The following NT5E variants were observed in gnomAD, a reference collection of about 807,000 sequenced individuals.
NT5E encodes 5'-nucleotidase ecto.
NT5E carries 53 observed loss-of-function variants against 55.1 expected under a neutral mutation model. The observed-to-expected ratio is 0.96, with a 90% CI of 0.77 to 1.21. NT5E has a LOEUF of 1.21. Ranked by LOEUF, NT5E falls within the 50% of genes most tolerant of loss-of-function variation. The pLI is 0.00. For synonymous variants in NT5E, 270 were observed against 278.4 expected (o/e 0.97, Z 0.30); for missense variants, 683 against 724.3 (o/e 0.94, Z 0.65).
In NT5E at chr6:85,477,983, C is replaced by T. The variant is rs151022697; in HGVS notation, c.751+6558C>T. The stretch of plus-strand genomic sequence containing the variant: ...TTGAGGCTGCAGTGAGCTATGATTA[C>T]GCCACTGCACTCCAGCCAGTGTGAC... On this transcript the variant is annotated intron_variant, in intron 3 of 8. Transcript: ENST00000257770. Among the ~76,000 whole-genome samples the T allele has an allele frequency of 1.8e-3, 274 of 150,308 alleles. 2 individuals are homozygous for T. The highest frequency in any genetic ancestry group is 5.9e-3 in the African/African-American group (242 of 40,676).
intron 1 of NT5E, among the ~76,000 whole-genome samples, chr6:85,458,756 G>A (rs1474815150): frequency 1.3e-5 from 2 of 152,158 alleles, no homozygotes; most frequent in Non-Finnish European, 2.9e-5. Context: ...CAATTAGTTG[G>A]GCAGTTAATT....
At chr6:85,467,381 T>G (rs1769218213) in intron 2 of NT5E, 99 bp downstream of exon 2, 10 of 972,594 alleles carry the variant, frequency 1.0e-5, no homozygotes, top group Non-Finnish European at 1.6e-5. Flanking sequence ...TAGGAACAAC[T>G]GGGTAAATAG....
At chr6:85,466,622 G>A (rs1769199728) in intron 1 of NT5E, among the ~76,000 whole-genome samples, 1 of 152,194 alleles carries the variant, frequency 6.6e-6, no homozygotes, top group African/African-American at 2.4e-5. Context: ...TTTGGTCTCT[G>A]CCAACCATAC....
chr6:85,467,733 A>G (rs1005276868), intron 2 of NT5E, among the ~76,000 whole-genome samples: 1 of 152,086 alleles, frequency 6.6e-6, no homozygotes, highest in Non-Finnish European at 1.5e-5. Flanking sequence ...GCTTTTCATT[A>G]TTCATCTCGT....
intron 1 of NT5E, among the ~76,000 whole-genome samples, chr6:85,464,332 A>G (rs748802841): frequency 2.8e-4 from 42 of 152,258 alleles, no homozygotes; most frequent in Middle Eastern, 6.8e-3. Flanking sequence ...CTCACTTTCC[A>G]TGACGCTGGC....
chr6:85,453,584 G>A (rs1338594059), intron 1 of NT5E, among the ~76,000 whole-genome samples: 1 of 152,230 alleles, frequency 6.6e-6, no homozygotes, highest in East Asian at 1.9e-4. Context: ...CCAGAGGTGA[G>A]ATTCTCACCA....
At chr6:85,482,639 G>A (rs747517897) in intron 3 of NT5E, among the ~76,000 whole-genome samples, 1 of 152,200 alleles carries the variant, frequency 6.6e-6, no homozygotes, top group Non-Finnish European at 1.5e-5. Flanking sequence ...GCCCCATTGG[G>A]TTTGGTTCCT....
rs1402885039 is a variant in NT5E at position 85,495,256 on chromosome 6, G to A, written c.*1252G>A. On this transcript the variant is annotated 3_prime_UTR_variant, in exon 9 of 9. Coordinates refer to ENST00000257770, the MANE Select transcript of NT5E (RefSeq NM_002526.4). The stretch of plus-strand genomic sequence containing the variant: ...TCTGCTGGAAAGTGGGACCCTCTGA[G>A]TGGGTGGTCAGAAAATACCCATGCT... 6.6e-6 allele frequency: 1 copy of A among 152,262 alleles called. No homozygotes were observed. The highest frequency in any genetic ancestry group is 1.5e-5 in the Non-Finnish European group (1 of 68,062). 9.4% of individuals were successfully genotyped at this position (152,262 alleles called of 1,614,324 possible).
intron 2 of NT5E, among the ~76,000 whole-genome samples, chr6:85,470,900 G>A (rs1334679832): frequency 3.3e-5 from 5 of 152,190 alleles, no homozygotes; most frequent in African/African-American, 9.7e-5. Context: ...TCATGCTTAC[G>A]TGCTTAGGCA....
intron 2 of NT5E, among the ~76,000 whole-genome samples, chr6:85,468,175 A>C (rs537432030): frequency 6.6e-6 from 1 of 152,372 alleles, no homozygotes; most frequent in Non-Finnish European, 1.5e-5. Flanking sequence ...ATATATATTT[A>C]CTGTTGTTGT....
chr6:85,469,466 A>G (rs1769261484), intron 2 of NT5E, among the ~76,000 whole-genome samples: 1 of 152,012 alleles, frequency 6.6e-6, no homozygotes, highest in African/African-American at 2.4e-5. Flanking sequence ...GAATCAATAA[A>G]TGAGTAAATG....
At chr6:85,453,541 C>A (rs566224313) in intron 1 of NT5E, among the ~76,000 whole-genome samples, 1 of 152,324 alleles carries the variant, frequency 6.6e-6, no homozygotes, top group South Asian at 2.1e-4. Flanking sequence ...CTTATGAAAT[C>A]TCCCCACAGC....
chr6:85,489,688 T>C (rs983141402), intron 6 of NT5E, 89 bp downstream of exon 6: 12 of 903,964 alleles, frequency 1.3e-5, no homozygotes, highest in African/African-American at 9.9e-5. Flanking sequence ...CACACCCATG[T>C]GCAGCCTCAG....
At position 85,490,571 on chromosome 6, in the gene NT5E, A is replaced by C. The variant is rs776436794; in HGVS notation, c.1274A>C (p.Gln425Pro). The C allele has an allele frequency of 6.2e-7, 1 of 1,614,204 alleles. No individual in the cohort carries two copies. Among genetic ancestry groups the C allele is most frequent in the Non-Finnish European group, 8.5e-7 (1 of 1,180,010 alleles). Reference protein sequence around the residue: ...LPFGGTFDLVQLKGSTLKKAF... With the variant: ...LPFGGTFDLVPLKGSTLKKAF... Reference sequence around the variant, plus strand: ...TTTGGAGGCACATTTGACCTAGTCCAGTTAAAAGGTTCCACCCTGAAGAAG... The same window carrying C: ...TTTGGAGGCACATTTGACCTAGTCCCGTTAAAAGGTTCCACCCTGAAGAAG... The change falls in exon 7 of 9, where the codon CAG becomes CCG. Residue 425 changes from glutamine (Q) to proline (P), a missense_variant. Physicochemically the swap from Gln to Pro is moderately conservative, Grantham distance 76. Transcript: ENST00000257770.
chr6:85,479,217 A>G lies in NT5E; in HGVS notation c.752-6018A>G, dbSNP rs549861100. Among the ~76,000 whole-genome samples, 33 of 152,248 alleles carry G rather than the reference A, an allele frequency of 2.2e-4. 1 individual carries two copies. The highest frequency in any genetic ancestry group is 3.7e-4 in the Non-Finnish European group (25 of 68,040). ...TCCTAAATTTGAGAATCTAAGCTAA[A>G]TTCACAAAATGACTAAATGTATCTT... On this transcript the variant is annotated intron_variant, in intron 3 of 8. Transcript: ENST00000257770.
intron 1 of NT5E, among the ~76,000 whole-genome samples, chr6:85,452,645 TG>T (rs1175102725): frequency 6.6e-6 from 1 of 152,126 alleles, no homozygotes; most frequent in East Asian, 1.9e-4. Context: ...CTGTGCAGTT[TG>T]GGGGTGTGTC....
chr6:85,482,351 GAAGA>G (rs1769567444), intron 3 of NT5E, among the ~76,000 whole-genome samples: 1 of 149,732 alleles, frequency 6.7e-6, no homozygotes, highest in Middle Eastern at 3.4e-3. Context: ...GAGAGAAAAG[GAAGA>G]AAGAAAGAAA....
At chr6:85,463,875 A>G (rs1769139646) in intron 1 of NT5E, among the ~76,000 whole-genome samples, 1 of 152,182 alleles carries the variant, frequency 6.6e-6, no homozygotes, top group Non-Finnish European at 1.5e-5. Context: ...TCTAAAGAAA[A>G]TAAGTATTTA....
intron 1 of NT5E, among the ~76,000 whole-genome samples, chr6:85,455,614 C>T (rs972435785): frequency 2.0e-5 from 3 of 152,096 alleles, no homozygotes; most frequent in Non-Finnish European, 4.4e-5. Context: ...GTAAGCTGTC[C>T]TAGCAAGTTA....
Sources: gnomAD v4.1 joint callset for allele counts (sites outside exome capture counted in the v4.1 genomes callset) on GRCh38, gnomAD v4.1.1 for gene constraint, MANE v1.5 for transcripts, NCBI Gene and HGNC (gene_info 2026-07-23, HGNC 2026-07-21) for gene names.